The following DYRK4 variants were observed in gnomAD, a reference collection of about 807,000 sequenced individuals.
DYRK4 encodes the protein dual specificity tyrosine-phosphorylation-regulated kinase 4.
A neutral mutation model predicts 68.3 loss-of-function variants in DYRK4; 64 were observed. The observed-to-expected ratio is 0.94, with a 90% CI of 0.77 to 1.15. DYRK4 has a LOEUF of 1.15. Ranked by LOEUF, DYRK4 falls within the 50% of genes most tolerant of loss-of-function variation. The probability of loss-of-function intolerance (pLI) is 0.00; values close to 1 mark genes in which losing one functional copy is unlikely to be tolerated. For missense variants in DYRK4, 740 were observed against 764.7 expected (o/e 0.97, Z 0.38); for synonymous variants, 274 against 289.9 (o/e 0.95, Z 0.56).
intron 1 of DYRK4, among the ~76,000 whole-genome samples, chr12:4,567,567 C>G (rs182272369): frequency 8.3e-4 from 126 of 152,284 alleles, no homozygotes; most frequent in African/African-American, 3.0e-3. Flanking sequence ...GTGTTTCTAC[C>G]AATTGTTCCC....
Position 4,573,399 on chromosome 12 carries a change from A to C in DYRK4, c.132+5351A>C, listed in dbSNP as rs139573936. The C allele has an allele frequency of 2.9e-4, 371 of 1,287,678 alleles. 1 individual carries two copies. The African/African-American group carries it at 4.7e-3, about 16-fold the overall frequency. The allele number at this position is 1,287,678 out of a possible 1,614,324, so 79.8% of individuals were successfully genotyped here. A position where few individuals can be genotyped will look rare whatever the true frequency, so the allele number is the denominator to read the frequency against. On this transcript the variant is annotated intron_variant, in intron 2 of 14. Coordinates refer to ENST00000543431, the MANE Select transcript of DYRK4 (RefSeq NM_001394779.1). Reference sequence around the variant, plus strand: ...TGTTCTGCGTGTTCATTGGTGCTTTAATTTCCAATCAAAGAAAGGAGAACA... The same window carrying C: ...TGTTCTGCGTGTTCATTGGTGCTTTCATTTCCAATCAAAGAAAGGAGAACA...
intron 1 of DYRK4, chr12:4,564,422 T>A (rs1169626247): frequency 6.6e-6 from 1 of 152,188 alleles, no homozygotes; most frequent in Non-Finnish European, 1.5e-5. Flanking sequence ...TGCCATACTT[T>A]CTGCCCCAAA....
chr12:4,596,934 T>C (rs548172966), intron 8 of DYRK4: 85 of 1,418,426 alleles, frequency 6.0e-5, no homozygotes, highest in Middle Eastern at 2.6e-4. Context: ...CCTGCCAGCA[T>C]ACCCATGATG....
intron 2 of DYRK4, chr12:4,573,232 A>C: frequency 9.6e-7 from 1 of 1,039,436 alleles, no homozygotes; most frequent in Non-Finnish European, 1.3e-6. Context: ...TCAGTGGCTC[A>C]ATGAAGATAG....
rs1001177714 is a variant in DYRK4, at chr12:4,599,898, T to A, written c.1126+110T>A. ...TGCGCTCAGCTGTCACCACTACCAG[T>A]ATGATTTTGAACAAGGTGCTTCGCT... On this transcript the variant is annotated intron_variant, in intron 10 of 14. Transcript: ENST00000543431. 46 of 865,542 alleles carry A rather than the reference T, an allele frequency of 5.3e-5. No homozygotes were observed. In the African/African-American group the frequency reaches 6.4e-4, roughly 12 times the overall value. 53.6% of individuals were successfully genotyped at this position (865,542 alleles called of 1,614,324 possible). A position where few individuals can be genotyped will look rare whatever the true frequency, so the allele number is the denominator to read the frequency against.
chr12:4,565,750 C>T (rs917991298), intron 1 of DYRK4, among the ~76,000 whole-genome samples: 2 of 152,054 alleles, frequency 1.3e-5, no homozygotes, highest in African/African-American at 4.8e-5. Flanking sequence ...CTCATCCTCC[C>T]GAGTAGCTGG....
intron 3 of DYRK4, chr12:4,590,039 A>G (rs1367753149): frequency 2.5e-6 from 2 of 799,530 alleles, no homozygotes; most frequent in East Asian, 6.7e-5. Context: ...TTTTGTTCCC[A>G]TGGTAGTGAT....
Position 4,584,800 on chromosome 12 carries a change from C to T in DYRK4, c.133-4137C>T, listed in dbSNP as rs184407500. 3.2e-3 allele frequency among the ~76,000 whole-genome samples: 487 copies of T among 152,190 alleles called. 2 individuals carry two copies. Among genetic ancestry groups the T allele is most frequent in the African/African-American group, 0.011 (459 of 41,518 alleles). ...TTGATCTCCTGACCTCGTGATCCAC[C>T]CACCTCGGCCTCCCAAAGTGCTGGG... On this transcript the variant is annotated intron_variant, in intron 2 of 14. Transcript: ENST00000543431.
chr12:4,604,849 G>C (rs982443553), intron 10 of DYRK4, 65 bp from the exon 11 acceptor site: 22 of 1,490,584 alleles, frequency 1.5e-5, no homozygotes, highest in South Asian at 2.7e-5. Context: ...AAGTTGTCCT[G>C]GGGGAGAGCG....
rs139252640 is a variant in DYRK4 at position 4,570,302 on chromosome 12, T to C, written c.132+2254T>C. Reference sequence around the variant, plus strand: ...ATTGATTTGATTATGTCGTATTTTATAGTAATTACTGGCAAATTCACAATG... The same window carrying C: ...ATTGATTTGATTATGTCGTATTTTACAGTAATTACTGGCAAATTCACAATG... On this transcript the variant is annotated intron_variant, in intron 2 of 14. Transcript: ENST00000543431. 7.2e-3 allele frequency among the ~76,000 whole-genome samples: 1,097 copies of C among 152,320 alleles called. 16 individuals carry two copies. The highest frequency in any genetic ancestry group is 0.025 in the African/African-American group (1,024 of 41,588).
At chr12:4,574,569 T>G (rs568981576) in intron 2 of DYRK4, among the ~76,000 whole-genome samples, 2 of 152,216 alleles carry the variant, frequency 1.3e-5, no homozygotes, top group Non-Finnish European at 2.9e-5. Flanking sequence ...CCCGAGTCTT[T>G]AAATACTATG....
At chr12:4,597,212 A>C in intron 8 of DYRK4, 1 of 945,874 alleles carries the variant, frequency 1.1e-6, no homozygotes, top group Non-Finnish European at 1.3e-6. Flanking sequence ...ACTTCAATAG[A>C]TTGGCGTGGC....
At chr12:4,597,291 T>G (rs887182912) in intron 8 of DYRK4, 2 of 346,294 alleles carry the variant, frequency 5.8e-6, no homozygotes, top group East Asian at 3.3e-4. Context: ...GACCATCTGA[T>G]GCAATTTATA....
intron 2 of DYRK4, 148 bp downstream of exon 2, chr12:4,568,196 C>A: frequency 8.5e-6 from 6 of 708,934 alleles, no homozygotes; most frequent in Non-Finnish European, 1.1e-5. Flanking sequence ...TTGGCAGGGC[C>A]AAATCTGGGT....
chr12:4,578,739 A>C (rs990721536), intron 2 of DYRK4, among the ~76,000 whole-genome samples: 2 of 152,150 alleles, frequency 1.3e-5, no homozygotes, highest in African/African-American at 4.8e-5. Context: ...TGAGTCTGAG[A>C]GAGTATGAAT....
intron 3 of DYRK4, 55 bp from the exon 4 acceptor site, chr12:4,590,275 G>A (rs1379941626): frequency 6.7e-7 from 1 of 1,497,942 alleles, no homozygotes; most frequent in African/African-American, 1.4e-5. Context: ...AATGACCCCT[G>A]GAGACGTTTT....
chr12:4,562,613 A>C (rs1373860966), intron 1 of DYRK4, among the ~76,000 whole-genome samples: 1 of 152,250 alleles, frequency 6.6e-6, no homozygotes, highest in Non-Finnish European at 1.5e-5. Flanking sequence ...CTGTGCTTCC[A>C]GCCCTCACTG....
intron 8 of DYRK4, 96 bp downstream of exon 8, chr12:4,596,825 A>G (rs1047200522): frequency 1.3e-6 from 2 of 1,578,262 alleles, no homozygotes; most frequent in African/African-American, 2.7e-5. Flanking sequence ...GGATGTGAAT[A>G]TTTAGTAACT....
chr12:4,566,366 C>A (rs1382491477), intron 1 of DYRK4, among the ~76,000 whole-genome samples: 1 of 152,192 alleles, frequency 6.6e-6, no homozygotes, highest in Non-Finnish European at 1.5e-5. Flanking sequence ...GGACAGTGCT[C>A]AAAATTTCTG....
Sources: gnomAD v4.1 joint callset for allele counts (sites outside exome capture counted in the v4.1 genomes callset) on GRCh38, gnomAD v4.1.1 for gene constraint, MANE v1.5 for transcripts, NCBI Gene and HGNC (gene_info 2026-07-23, HGNC 2026-07-21) for gene names.